The following ARHGEF3 variants were observed in gnomAD, a reference collection of about 807,000 sequenced individuals.
ARHGEF3 encodes Rho guanine nucleotide exchange factor 3.
A neutral mutation model predicts 63.2 loss-of-function variants in ARHGEF3; 28 were observed. The observed-to-expected ratio is 0.44, with a 90% CI of 0.33 to 0.61. The LOEUF (loss-of-function observed/expected upper bound fraction) is 0.61, where lower values mean the gene tolerates loss of function less well. Among genes scored for constraint, ARHGEF3 ranks in the 20% least tolerant of loss-of-function variants. The pLI is 0.03. For missense variants in ARHGEF3, 533 were observed against 659.3 expected (o/e 0.81, Z 2.10); for synonymous variants, 266 against 254.2 (o/e 1.05, Z -0.44).
At chr3:56,897,726 C>T (rs1189821443) in intron 3 of ARHGEF3, among the ~76,000 whole-genome samples, 1 of 151,510 alleles carries the variant, frequency 6.6e-6, no homozygotes, top group Non-Finnish European at 1.5e-5. Flanking sequence ...ACCACCATGC[C>T]CAGCTAATTT....
At chr3:56,779,390 G>A (rs1578490159) in intron 1 of ARHGEF3, among the ~76,000 whole-genome samples, 2 of 152,180 alleles carry the variant, frequency 1.3e-5, no homozygotes, top group East Asian at 3.9e-4. Context: ...AAAGCTAGGT[G>A]CAGGGCACAG....
intron 3 of ARHGEF3, among the ~76,000 whole-genome samples, chr3:56,908,686 A>G (rs1177843088): frequency 6.6e-6 from 1 of 152,132 alleles, no homozygotes; most frequent in East Asian, 1.9e-4. Context: ...TTGGGGGGAA[A>G]TGTTAATTAT....
rs553187649 is a variant in ARHGEF3 at position 57,050,624 on chromosome 3, C to T, written c.-27-15448G>A. 6.6e-4 allele frequency among the ~76,000 whole-genome samples: 101 copies of T among 152,284 alleles called. 1 individual carries two copies. Among genetic ancestry groups the T allele is most frequent in the Middle Eastern group, 6.8e-3 (2 of 294 alleles). On this transcript the variant is annotated intron_variant, in intron 1 of 12. Transcript: ENST00000338458. ...CCACCATGGTTAGAGGCTGGGCAGA[C>T]AGGCTGGGGCCAGAGTGGGAAGGAA...
intron 2 of ARHGEF3, among the ~76,000 whole-genome samples, chr3:56,984,658 A>G (rs192162038): frequency 2.6e-5 from 4 of 152,356 alleles, no homozygotes; most frequent in East Asian, 3.9e-4. Flanking sequence ...CAAATGGACT[A>G]CAAGTCTGTT....
intron 3 of ARHGEF3, among the ~76,000 whole-genome samples, chr3:56,896,602 G>A (rs2041309509): frequency 6.6e-6 from 1 of 152,160 alleles, no homozygotes; most frequent in Admixed American, 6.5e-5. Flanking sequence ...GAGTCTCCTT[G>A]AATCTGGAAC....
intron 5 of ARHGEF3, 29 bp from the exon 6 acceptor site, chr3:56,751,161 G>C: frequency 6.2e-7 from 1 of 1,609,384 alleles, no homozygotes; most frequent in South Asian, 1.1e-5. Context: ...ATGCTTATTT[G>C]TTAGGCATTC....
chr3:57,021,547 G>C (rs1450500870), intron 2 of ARHGEF3, among the ~76,000 whole-genome samples: 1 of 152,072 alleles, frequency 6.6e-6, no homozygotes, highest in African/African-American at 2.4e-5. Context: ...CATGAGGTCA[G>C]ATTGAGACCA....
intron 1 of ARHGEF3, among the ~76,000 whole-genome samples, chr3:56,800,075 T>C (rs980627044): frequency 6.6e-6 from 1 of 152,234 alleles, no homozygotes; most frequent in African/African-American, 2.4e-5. Flanking sequence ...ATATCTATAT[T>C]CTATGTATAA....
intron 4 of ARHGEF3, among the ~76,000 whole-genome samples, chr3:56,809,439 C>T (rs1190951406): frequency 6.6e-6 from 1 of 152,002 alleles, no homozygotes; most frequent in East Asian, 1.9e-4. Flanking sequence ...AAATGAAAAC[C>T]CTAAGGGGTT....
chr3:56,745,817 G>T (rs566733653), intron 6 of ARHGEF3, among the ~76,000 whole-genome samples: 1 of 152,164 alleles, frequency 6.6e-6, no homozygotes, highest in South Asian at 2.1e-4. Flanking sequence ...GACTACAGGC[G>T]CCCGCCACCA....
At chr3:56,931,952 G>GT (rs527945076) in intron 3 of ARHGEF3, among the ~76,000 whole-genome samples, 71 of 152,084 alleles carry the variant, frequency 4.7e-4, no homozygotes, top group Non-Finnish European at 8.7e-4. Context: ...GATTTATGGG[G>GT]TTTTTTTGTT....
chr3:57,075,737 G>C (rs957135855), intron 1 of ARHGEF3, among the ~76,000 whole-genome samples: 2 of 152,188 alleles, frequency 1.3e-5, no homozygotes, highest in Admixed American at 1.3e-4. Context: ...TTGAGCCTGA[G>C]AGGCAGATGT....
chr3:56,808,865 T>G (rs1206172120), intron 4 of ARHGEF3, among the ~76,000 whole-genome samples: 1 of 152,176 alleles, frequency 6.6e-6, no homozygotes, highest in Non-Finnish European at 1.5e-5. Context: ...GGGATGCTGT[T>G]AACACTTATG....
intron 8 of ARHGEF3, among the ~76,000 whole-genome samples, chr3:56,735,594 C>G (rs2033559195): frequency 6.6e-6 from 1 of 152,224 alleles, no homozygotes; most frequent in Admixed American, 6.5e-5. Flanking sequence ...TAGGCTTACA[C>G]CCTGTGGAGC....
chr3:57,032,527 C>G (rs988830544), intron 2 of ARHGEF3, among the ~76,000 whole-genome samples: 91 of 152,164 alleles, frequency 6.0e-4, no homozygotes, highest in Non-Finnish European at 1.3e-4. Flanking sequence ...TTGCTGGTTT[C>G]CTTTTACTCT....
chr3:56,744,981 G>C (rs2034286567), intron 7 of ARHGEF3, among the ~76,000 whole-genome samples: 1 of 152,174 alleles, frequency 6.6e-6, no homozygotes, highest in African/African-American at 2.4e-5. Flanking sequence ...GGACCTTACA[G>C]CGTGTTTCAT....
At chr3:56,787,405 G>C (rs1048450075) in intron 1 of ARHGEF3, among the ~76,000 whole-genome samples, 1 of 152,248 alleles carries the variant, frequency 6.6e-6, no homozygotes, top group Non-Finnish European at 1.5e-5. Flanking sequence ...AAACAGAGCA[G>C]TCATCCTACT....
intron 1 of ARHGEF3, among the ~76,000 whole-genome samples, chr3:57,042,724 T>A (rs1704277173): frequency 1.6e-5 from 2 of 121,450 alleles, no homozygotes; most frequent in African/African-American, 6.4e-5. Context: ...TTAGACGGAG[T>A]CTCGCTCTGT....
chr3:57,029,204 G>A (rs2107199227), intron 2 of ARHGEF3, among the ~76,000 whole-genome samples: 1 of 152,274 alleles, frequency 6.6e-6, no homozygotes, highest in South Asian at 2.1e-4. Context: ...GCCGAGGCAG[G>A]CAGATCACCT....
Sources: allele counts gnomAD v4.1 joint callset (sites outside exome capture counted in the v4.1 genomes callset), GRCh38; gene constraint gnomAD v4.1.1; transcripts MANE v1.5; gene names NCBI Gene and HGNC (gene_info 2026-07-23, HGNC 2026-07-21).